The following AP3D1 variants were observed in gnomAD, a reference collection of about 807,000 sequenced individuals.
AP3D1 encodes the protein AP-3 complex subunit delta-1.
Under a neutral mutation model 147.6 loss-of-function variants are expected in AP3D1, and 51 were observed. That is an observed-to-expected ratio of 0.35 (90% CI 0.28 to 0.44). AP3D1 has a LOEUF of 0.44. Among genes scored for constraint, AP3D1 ranks in the 20% least tolerant of loss-of-function variants. AP3D1 has a pLI of 1.00. For synonymous variants in AP3D1, 760 were observed against 663.0 expected, an observed-to-expected ratio of 1.15 and a Z score of -2.25; for missense variants, 1,421 against 1,624.2, an observed-to-expected ratio of 0.87 and a Z score of 2.15.
intron 2 of AP3D1, 28 bp from the exon 3 acceptor site, chr19:2,137,835 C>A: frequency 6.2e-7 from 1 of 1,609,174 alleles, no homozygotes; most frequent in Non-Finnish European, 8.5e-7. Context: ...GGAAATTGCA[C>A]TCACAAGCCA....
intron 26 of AP3D1, 144 bp from the exon 27 acceptor site, chr19:2,111,040 C>T: frequency 1.0e-6 from 1 of 974,708 alleles, no homozygotes; most frequent in South Asian, 1.7e-5. Flanking sequence ...TAGCCGCAGG[C>T]CAAGCGCCTC....
At chr19:2,136,037 G>A (rs546596249) in intron 4 of AP3D1, among the ~76,000 whole-genome samples, 139 of 151,258 alleles carry the variant, frequency 9.2e-4, no homozygotes, top group Admixed American at 2.0e-3. Context: ...GAAGACTCCC[G>A]CCCAGGCCCC....
chr19:2,141,155 A>G (rs1178389728), intron 1 of AP3D1, among the ~76,000 whole-genome samples: 2 of 152,182 alleles, frequency 1.3e-5, no homozygotes, highest in East Asian at 1.9e-4. Context: ...CTGAAGCTAT[A>G]ATGTGGCTAT....
At position 2,121,325 on chromosome 19, in the gene AP3D1, T is replaced by TACAG. The variant is rs1319640227; in HGVS notation, c.1102-18_1102-15dup. ...CTTCTTGGACACCTGGGCAAAAGTG[T>TACAG]ACAGACAGTGGTGAGAGCGGACCCA... On this transcript the variant is annotated splice_polypyrimidine_tract_variant and intron_variant, in intron 12 of 31. Coordinates refer to ENST00000643116, the MANE Select transcript of AP3D1 (RefSeq NM_001261826.3). The TACAG allele has an allele frequency of 6.2e-7, 1 of 1,613,828 alleles. No individual in the cohort carries two copies. The highest frequency in any genetic ancestry group is 8.5e-7 in the Non-Finnish European group (1 of 1,179,904).
intron 11 of AP3D1, among the ~76,000 whole-genome samples, 170 bp from the exon 12 acceptor site, chr19:2,122,049 G>A (rs2018627190): frequency 6.6e-6 from 1 of 152,160 alleles, no homozygotes; most frequent in Non-Finnish European, 1.5e-5. Flanking sequence ...GAGGGATGTC[G>A]CCCTAGCAGA....
At chr19:2,107,912 G>T (rs1038722066) in intron 31 of AP3D1, among the ~76,000 whole-genome samples, 4 of 152,122 alleles carry the variant, frequency 2.6e-5, no homozygotes, top group African/African-American at 9.7e-5. Context: ...GATTCCTTGC[G>T]CTAATTCTTT....
chr19:2,157,438 T>C (rs2019655332), intron 1 of AP3D1, among the ~76,000 whole-genome samples: 2 of 31,556 alleles, frequency 6.3e-5, no homozygotes, highest in African/African-American at 4.6e-4. Context: ...CGAGACTCCG[T>C]CTCAAAAAAA....
chr19:2,116,977 C>G, intron 16 of AP3D1: 3 of 800,476 alleles, frequency 3.7e-6, no homozygotes, highest in Non-Finnish European at 5.6e-6. Flanking sequence ...CTCAGGCTGC[C>G]TCAGAGCTTT....
At chr19:2,114,874 G>A in intron 20 of AP3D1, 53 bp from the exon 21 acceptor site, 1 of 1,587,790 alleles carries the variant, frequency 6.3e-7, no homozygotes. Context: ...TGGCCTGGTG[G>A]AACGCCATCT....
intron 3 of AP3D1, 50 bp from the exon 4 acceptor site, chr19:2,137,141 A>G (rs996458481): frequency 2.7e-6 from 4 of 1,479,260 alleles, no homozygotes; most frequent in Non-Finnish European, 3.7e-6. Context: ...CGCAGCCTCC[A>G]GGAGCTCCAG....
intron 21 of AP3D1, 113 bp from the exon 22 acceptor site, chr19:2,114,415 T>C: frequency 2.2e-6 from 2 of 903,702 alleles, no homozygotes; most frequent in South Asian, 1.7e-5. Flanking sequence ...CTCCAGCCCC[T>C]GGCCCCAGCC....
intron 31 of AP3D1, among the ~76,000 whole-genome samples, chr19:2,108,409 G>T (rs1339182349): frequency 2.0e-5 from 3 of 152,236 alleles, no homozygotes; most frequent in Non-Finnish European, 4.4e-5. Flanking sequence ...GTGCACAGGG[G>T]TGGGGTGGTG....
At chr19:2,134,821 A>G (rs1376623211) in intron 4 of AP3D1, among the ~76,000 whole-genome samples, 2 of 151,328 alleles carry the variant, frequency 1.3e-5, no homozygotes, top group African/African-American at 4.8e-5. Flanking sequence ...GGCTAGTCTC[A>G]AACTCCCAAC....
chr19:2,161,441 C>T (rs376334130), intron 1 of AP3D1, among the ~76,000 whole-genome samples: 4 of 151,974 alleles, frequency 2.6e-5, no homozygotes, highest in Non-Finnish European at 4.4e-5. Flanking sequence ...GGATTACAGG[C>T]GTGAGTCACC....
At chr19:2,139,278 G>A (rs558842304) in intron 1 of AP3D1, among the ~76,000 whole-genome samples, 3 of 152,148 alleles carry the variant, frequency 2.0e-5, no homozygotes, top group Admixed American at 6.6e-5. Flanking sequence ...ACAGCATTCC[G>A]CTATACACGC....
intron 26 of AP3D1, 43 bp downstream of exon 26, chr19:2,111,242 T>C (rs760016530): frequency 1.9e-6 from 3 of 1,610,552 alleles, no homozygotes; most frequent in East Asian, 2.2e-5. Context: ...TGCCAAAGAG[T>C]GTGGGCTGGC....
chr19:2,119,359 C>G (rs945809090), intron 14 of AP3D1, among the ~76,000 whole-genome samples: 1 of 152,176 alleles, frequency 6.6e-6, no homozygotes, highest in African/African-American at 2.4e-5. Context: ...GAGTTTGAGA[C>G]CAGCCTGGCC....
chr19:2,146,219 G>A (rs115650305), intron 1 of AP3D1, among the ~76,000 whole-genome samples: 2 of 152,284 alleles, frequency 1.3e-5, no homozygotes, highest in African/African-American at 2.4e-5. Flanking sequence ...AGGCAATCAC[G>A]CCTATGGTTC....
chr19:2,109,898 A>G lies in AP3D1; in HGVS notation c.3325T>C (p.Tyr1109His), dbSNP rs2018219076. 1 of 1,613,276 alleles carries G rather than the reference A, an allele frequency of 6.2e-7. No individual in the cohort carries two copies. Among genetic ancestry groups the G allele is most frequent in the East Asian group, 2.2e-5 (1 of 44,832 alleles). ...DFRLHFSCSS[Y>H]LITTPCYSDA... ...CTGTAGCAGGGAGTGGTGATCAAGT[A>G]GGAGCTGCAGCTGAAGTGCAGCCTG... The change falls in exon 29 of 32, where the codon TAC becomes CAC. Residue 1109 changes from tyrosine to histidine, a missense_variant. Physicochemically the swap from Tyr to His is moderately conservative, Grantham distance 83. This residue lies in a region of AP3D1 where 791 missense variants were observed against 761.4 expected (regional missense o/e 1.04). Transcript: ENST00000643116.
Sources: allele counts gnomAD v4.1 joint callset (sites outside exome capture counted in the v4.1 genomes callset), GRCh38; gene constraint gnomAD v4.1.1; regional missense constraint gnomAD v4.1.1; transcripts MANE v1.5; gene names NCBI Gene and HGNC (gene_info 2026-07-23, HGNC 2026-07-21).